The following CREG1 variants were observed in gnomAD, a reference collection of about 807,000 sequenced individuals.
CREG1 encodes the protein protein CREG1.
A neutral mutation model predicts 19.9 loss-of-function variants in CREG1; 20 were observed. The observed-to-expected ratio is 1.01, with a 90% CI of 0.71 to 1.46. The LOEUF is 1.46. Among genes scored for constraint, CREG1 ranks in the 40% most tolerant of loss-of-function variants. CREG1 has a pLI of 0.00. For synonymous variants in CREG1, 141 were observed against 143.3 expected (o/e 0.98, Z 0.12); for missense variants, 290 against 314.9 (o/e 0.92, Z 0.60).
intron 2 of CREG1, among the ~76,000 whole-genome samples, chr1:167,547,278 C>A (rs1656345254): frequency 6.6e-6 from 1 of 152,198 alleles, no homozygotes; most frequent in African/African-American, 2.4e-5. Flanking sequence ...ATGGATAGTC[C>A]TCTGGTTGGC....
At chr1:167,551,270 G>A (rs1382280610) in intron 1 of CREG1, among the ~76,000 whole-genome samples, 3 of 152,152 alleles carry the variant, frequency 2.0e-5, no homozygotes, top group East Asian at 1.9e-4. Context: ...CCTTCTGAAC[G>A]ATTTCACCCC....
At position 167,553,591 on chromosome 1, in the gene CREG1, G is replaced by C; in HGVS notation, c.151C>G (p.Pro51Ala). The change falls in exon 1 of 4, where the codon CCC becomes GCC. Residue 51 changes from proline (P) to alanine (A), a missense_variant. Coordinates refer to ENST00000370509, the MANE Select transcript of CREG1 (RefSeq NM_003851.3). The part of the protein sequence containing the change: ...DEASRLPPLP[P>A]REDAARVARF... ...GCCACGCGCGCCGCGTCCTCGCGGG[G>C]TGGTAGCGGCGGCAGCCGGGAGGCC... is the stretch of plus-strand genomic sequence containing the variant. 1.4e-6 allele frequency: 2 copies of C among 1,423,060 alleles called. No homozygotes were observed. Among genetic ancestry groups the C allele is most frequent in the Non-Finnish European group, 1.8e-6 (2 of 1,093,598 alleles). 88.2% of individuals were successfully genotyped at this position (1,423,060 alleles called of 1,614,324 possible). A position where few individuals can be genotyped will look rare whatever the true frequency, so the allele number is the denominator to read the frequency against.
At chr1:167,543,165 T>G (rs932092689) in intron 3 of CREG1, among the ~76,000 whole-genome samples, 1 of 151,006 alleles carries the variant, frequency 6.6e-6, no homozygotes, top group Non-Finnish European at 1.5e-5. Context: ...GAGAATGGCA[T>G]GAACCCAGGA....
chr1:167,547,696 G>A (rs1656353603), intron 2 of CREG1, among the ~76,000 whole-genome samples: 1 of 152,132 alleles, frequency 6.6e-6, no homozygotes, highest in Non-Finnish European at 1.5e-5. Context: ...CGAGGTGGGT[G>A]GATCACTTGA....
At chr1:167,544,122 C>A (rs1200577534) in intron 3 of CREG1, among the ~76,000 whole-genome samples, 1 of 152,208 alleles carries the variant, frequency 6.6e-6, no homozygotes, top group Non-Finnish European at 1.5e-5. Flanking sequence ...CCTATGAAGT[C>A]AGATGGCTTT....
intron 3 of CREG1, 137 bp downstream of exon 3, chr1:167,545,964 C>G: frequency 2.0e-6 from 1 of 509,156 alleles, no homozygotes; most frequent in African/African-American, 1.9e-5. Context: ...AAACATTATT[C>G]TGAGAAGGGG....
chr1:167,542,117 C>A lies in CREG1; in HGVS notation c.*181G>T. On this transcript the variant is annotated 3_prime_UTR_variant, in exon 4 of 4. Transcript: ENST00000370509. ...GTAGCTACCACATCTTCCAGGAAAT[C>A]CAATAACAGGTCAACTCTATTGGTA... 1 of 513,560 alleles carries A rather than the reference C, an allele frequency of 1.9e-6. No homozygotes were observed. The highest frequency in any genetic ancestry group is 3.4e-6 in the Non-Finnish European group (1 of 295,448). 31.8% of individuals were successfully genotyped at this position (513,560 alleles called of 1,614,324 possible).
chr1:167,549,368 C>T (rs1239329235), intron 1 of CREG1, among the ~76,000 whole-genome samples: 4 of 139,666 alleles, frequency 2.9e-5, no homozygotes, highest in South Asian at 4.9e-4. Context: ...ACTCCCAACC[C>T]AAATAACTGC....
In CREG1 at chr1:167,542,206, G is replaced by A. The variant is rs189227924; in HGVS notation, c.*92C>T. On this transcript the variant is annotated 3_prime_UTR_variant, in exon 4 of 4. Coordinates refer to ENST00000370509, the MANE Select transcript of CREG1 (RefSeq NM_003851.3). The stretch of plus-strand genomic sequence containing the variant: ...TGACAGAAAACTGGCTAATATTCTG[G>A]GACGCTTTCCAGAGAAACATTAAGC... The A allele has an allele frequency of 4.1e-5, 49 of 1,180,786 alleles. No individual in the cohort carries two copies. In the Admixed American group the frequency reaches 4.5e-4, roughly 11 times the overall value. The allele number at this position is 1,180,786 out of a possible 1,614,324, so 73.1% of individuals were successfully genotyped here. A position where few individuals can be genotyped will look rare whatever the true frequency, so the allele number is the denominator to read the frequency against.
At chr1:167,550,805 AAGGACT>A (rs1380873921) in intron 1 of CREG1, among the ~76,000 whole-genome samples, 2 of 152,160 alleles carry the variant, frequency 1.3e-5, no homozygotes, top group African/African-American at 2.4e-5. Context: ...GAGTCCTAGT[AAGGACT>A]AGAAGAGAAT....
intron 1 of CREG1, 144 bp from the exon 2 acceptor site, chr1:167,548,265 G>A: frequency 1.7e-6 from 1 of 585,072 alleles, no homozygotes; most frequent in East Asian, 2.8e-5. Context: ...CTTCCACTCA[G>A]GGGAAAATAA....
chr1:167,545,710 G>A (rs1265861037), intron 3 of CREG1, among the ~76,000 whole-genome samples: 1 of 151,870 alleles, frequency 6.6e-6, no homozygotes, highest in Non-Finnish European at 1.5e-5. Flanking sequence ...GAGGCTTGAG[G>A]CATAAGAATC....
intron 1 of CREG1, among the ~76,000 whole-genome samples, chr1:167,550,840 T>A (rs1168663121): frequency 1.3e-5 from 2 of 151,986 alleles, no homozygotes; most frequent in Non-Finnish European, 2.9e-5. Context: ...CGAGAGTGTA[T>A]ACAATCTTCT....
In CREG1 at chr1:167,553,709, T is replaced by A; in HGVS notation, c.33A>T (p.Ala11=). 6 of 1,298,180 alleles carry A rather than the reference T, an allele frequency of 4.6e-6. No individual in the cohort carries two copies. The highest frequency in any genetic ancestry group is 5.8e-6 in the Non-Finnish European group (6 of 1,028,834). The allele number at this position is 1,298,180 out of a possible 1,614,324, so 80.4% of individuals were successfully genotyped here. The change falls in exon 1 of 4, where the codon GCA becomes GCT. Residue 11 remains alanine, a synonymous_variant. Transcript: ENST00000370509. MAGLSRGSAR[A]LLAALLASTL... Reference sequence around the variant, plus strand: ...TCGACGCCAGCAGGGCGGCGAGCAGTGCGCGCGCGGACCCGCGGGATAGCC... The same window carrying A: ...TCGACGCCAGCAGGGCGGCGAGCAGAGCGCGCGCGGACCCGCGGGATAGCC...
At position 167,550,751 on chromosome 1, in the gene CREG1, T is replaced by C. The variant is rs111486504; in HGVS notation, c.355-2630A>G. ...CAAAAATGAACAGCAAGCAGAAATATAGAGAACTTTGAAGAGGTCAGAAAT... is the reference window on the plus strand; with the variant it reads ...CAAAAATGAACAGCAAGCAGAAATACAGAGAACTTTGAAGAGGTCAGAAAT... On this transcript the variant is annotated intron_variant, in intron 1 of 3. Transcript: ENST00000370509. 7.4e-3 allele frequency among the ~76,000 whole-genome samples: 1,132 copies of C among 152,038 alleles called. 12 individuals carry two copies. The highest frequency in any genetic ancestry group is 0.026 in the African/African-American group (1,071 of 41,438).
In CREG1 at chr1:167,553,494, CG is replaced by C; in HGVS notation, c.247del (p.Arg83GlyfsTer25). 1 of 1,489,858 alleles carries C rather than the reference CG, an allele frequency of 6.7e-7. No individual in the cohort carries two copies. Among genetic ancestry groups the C allele is most frequent in the Non-Finnish European group, 8.9e-7 (1 of 1,127,518 alleles). 92.3% of individuals were successfully genotyped at this position (1,489,858 alleles called of 1,614,324 possible). On this transcript the variant is annotated frameshift_variant, in exon 1 of 4. Transcript: ENST00000370509. LOFTEE classifies it high-confidence loss of function. The stretch of plus-strand genomic sequence containing the variant: ...GAGCGAGAGGACGTCGGCGAAGGGC[CG>C]GCCGCGCACCGCCTCCAGCGTGGAG... The part of the protein sequence containing the change: ...TISTLEAVRG[R>X]PFADVLSLSD...
chr1:167,545,635 T>A (rs1217086751), intron 3 of CREG1, among the ~76,000 whole-genome samples: 4 of 152,074 alleles, frequency 2.6e-5, no homozygotes, highest in African/African-American at 9.7e-5. Context: ...GACACCACCC[T>A]CTTTATGAAA....
chr1:167,553,745 G>A lies in CREG1; in HGVS notation c.-4C>T, dbSNP rs556324465. The A allele has an allele frequency of 4.7e-6, 6 of 1,272,704 alleles. No individual in the cohort carries two copies. The highest frequency in any genetic ancestry group is 5.0e-6 in the Non-Finnish European group (5 of 1,009,054). The allele number at this position is 1,272,704 out of a possible 1,614,324, so 78.8% of individuals were successfully genotyped here. ...ACCCGCGGGATAGCCCGGCCATGGCGGTGTCTCCAGGAAGAGTCCCGGGCC... is the reference window on the plus strand; with the variant it reads ...ACCCGCGGGATAGCCCGGCCATGGCAGTGTCTCCAGGAAGAGTCCCGGGCC... On this transcript the variant is annotated 5_prime_UTR_variant, in exon 1 of 4. Coordinates refer to ENST00000370509, the MANE Select transcript of CREG1 (RefSeq NM_003851.3).
At chr1:167,542,485 G>T (rs148340229) in intron 3 of CREG1, among the ~76,000 whole-genome samples, 184 bp from the exon 4 acceptor site, 1 of 152,076 alleles carries the variant, frequency 6.6e-6, no homozygotes, top group East Asian at 1.9e-4. Flanking sequence ...CCTGAGTTTC[G>T]GTTTCAATAG....
Sources: gnomAD v4.1 joint callset for allele counts (sites outside exome capture counted in the v4.1 genomes callset) on GRCh38, gnomAD v4.1.1 for gene constraint, MANE v1.5 for transcripts, NCBI Gene and HGNC (gene_info 2026-07-23, HGNC 2026-07-21) for gene names.